MFN1: variants seen among roughly 807,000 people sequenced by gnomAD.
MFN1 encodes mitofusin 1, also known as mitofusin-1.
MFN1 carries 65 observed loss-of-function variants against 92.4 expected under a neutral mutation model. That is an observed-to-expected ratio of 0.70 (90% confidence interval 0.58 to 0.86). The LOEUF is 0.86. Ranked by LOEUF, MFN1 falls within the 40% of genes least tolerant of loss-of-function variation. The pLI is 0.00. For missense variants in MFN1, 781 were observed against 868.0 expected, an observed-to-expected ratio of 0.90 and a Z score of 1.26; for synonymous variants, 297 against 300.9, an observed-to-expected ratio of 0.99 and a Z score of 0.13.
chr3:179,380,432 A>AT (rs5854831), intron 14 of MFN1, among the ~76,000 whole-genome samples: 3 of 151,962 alleles, frequency 2.0e-5, no homozygotes, highest in Non-Finnish European at 2.9e-5. Context: ...CAAGGAATGC[A>AT]TTTTTTTTAC....
At chr3:179,381,268 T>C (rs1032237515) in intron 14 of MFN1, among the ~76,000 whole-genome samples, 3 of 152,180 alleles carry the variant, frequency 2.0e-5, no homozygotes, top group African/African-American at 7.2e-5. Context: ...GGCAAGTAGG[T>C]GGTACTGCAG....
At chr3:179,360,104 C>T (rs2108529950) in intron 4 of MFN1, among the ~76,000 whole-genome samples, 1 of 152,200 alleles carries the variant, frequency 6.6e-6, no homozygotes, top group South Asian at 2.1e-4. Context: ...TTAGTAGAGA[C>T]TGGGTTTCAC....
intron 12 of MFN1, 62 bp from the exon 13 acceptor site, chr3:179,378,279 C>A: frequency 8.1e-7 from 1 of 1,233,110 alleles, no homozygotes; most frequent in Non-Finnish European, 1.2e-6. Flanking sequence ...TATTTTATGT[C>A]TTTATAAAAA....
intron 7 of MFN1, 48 bp downstream of exon 7, chr3:179,365,273 C>A (rs749428187): frequency 1.9e-6 from 2 of 1,043,136 alleles, no homozygotes; most frequent in Non-Finnish European, 2.8e-6. Context: ...CAGTCACATA[C>A]ATTGTTATTT....
chr3:179,386,943 A>G (rs1209781198), intron 16 of MFN1, among the ~76,000 whole-genome samples: 1 of 151,860 alleles, frequency 6.6e-6, no homozygotes, highest in Non-Finnish European at 1.5e-5. Context: ...TTTTTCAGAG[A>G]TAGGGTCTCT....
At chr3:179,387,770 C>T (rs1237795626) in intron 16 of MFN1, among the ~76,000 whole-genome samples, 1 of 148,616 alleles carries the variant, frequency 6.7e-6, no homozygotes, top group African/African-American at 2.5e-5. Context: ...ACTCTGTCAC[C>T]CAGGCTGGAG....
Position 179,392,267 on chromosome 3 carries a change from A to G in MFN1, c.*208A>G, listed in dbSNP as rs1713933145. The G allele has an allele frequency of 2.6e-6, 1 of 385,374 alleles. No homozygotes were observed. The highest frequency in any genetic ancestry group is 4.7e-6 in the Non-Finnish European group (1 of 214,424). 23.9% of individuals were successfully genotyped at this position (385,374 alleles called of 1,614,324 possible). A position where few individuals can be genotyped will look rare whatever the true frequency, so the allele number is the denominator to read the frequency against. On this transcript the variant is annotated 3_prime_UTR_variant, in exon 18 of 18. Coordinates refer to ENST00000471841, the MANE Select transcript of MFN1 (RefSeq NM_033540.3). Reference sequence around the variant, plus strand: ...TCCTTAGTTTTAATTTTGAGTAAAGAAAAGGCTAAAATCATGAATTAGTTA... The same window carrying G: ...TCCTTAGTTTTAATTTTGAGTAAAGGAAAGGCTAAAATCATGAATTAGTTA...
chr3:179,355,508 GACTTGGA>G (rs543786405), intron 3 of MFN1, among the ~76,000 whole-genome samples: 69 of 152,282 alleles, frequency 4.5e-4, no homozygotes, highest in African/African-American at 1.6e-3. Context: ...GGAAATATGA[GACTTGGA>G]CTAGGGAGAA....
chr3:179,374,449 C>A (rs1713158643), intron 9 of MFN1, among the ~76,000 whole-genome samples: 1 of 102,490 alleles, frequency 9.8e-6, no homozygotes, highest in Non-Finnish European at 1.9e-5. Context: ...AAAATTGAAA[C>A]AAATGTGAAA....
intron 14 of MFN1, among the ~76,000 whole-genome samples, chr3:179,380,753 G>A (rs1200504082): frequency 6.6e-6 from 1 of 152,200 alleles, no homozygotes; most frequent in Non-Finnish European, 1.5e-5. Context: ...AAGGTTTTCA[G>A]AAGGAGTTTA....
chr3:179,371,219 T>C (rs1273529840), intron 9 of MFN1, among the ~76,000 whole-genome samples: 1 of 152,160 alleles, frequency 6.6e-6, no homozygotes, highest in African/African-American at 2.4e-5. Context: ...AAAAAATCAA[T>C]ATTAGCCTGG....
rs1714002404 is a variant in MFN1, at chr3:179,394,044, C to A, written c.*1985C>A. The A allele has an allele frequency of 6.6e-6, 1 of 152,198 alleles. No individual in the cohort carries two copies. The highest frequency in any genetic ancestry group is 1.5e-5 in the Non-Finnish European group (1 of 68,092). 9.4% of individuals were successfully genotyped at this position (152,198 alleles called of 1,614,324 possible). ...GCTAGTTTTTGTAAAGACGAGGTTT[C>A]CCCATGTTGTGCAGGCTGGTCTTGA... On this transcript the variant is annotated 3_prime_UTR_variant, in exon 18 of 18. Transcript: ENST00000471841.
intron 3 of MFN1, among the ~76,000 whole-genome samples, chr3:179,358,518 G>T (rs1577003159): frequency 6.6e-6 from 1 of 152,180 alleles, no homozygotes; most frequent in Non-Finnish European, 1.5e-5. Flanking sequence ...GATTTAAGGA[G>T]ATGGGATATT....
intron 9 of MFN1, among the ~76,000 whole-genome samples, chr3:179,372,468 A>G (rs1365758144): frequency 6.6e-6 from 1 of 152,110 alleles, no homozygotes; most frequent in Non-Finnish European, 1.5e-5. Context: ...ATATTAGTGT[A>G]GTAAGGATGC....
chr3:179,386,354 G>A (rs1713682965), intron 15 of MFN1, 79 bp from the exon 16 acceptor site: 1 of 1,123,548 alleles, frequency 8.9e-7, no homozygotes, highest in Admixed American at 2.4e-5. Flanking sequence ...AAGATCCATA[G>A]GGAACTAAAA....
At chr3:179,360,645 T>C (rs1428995777) in intron 4 of MFN1, among the ~76,000 whole-genome samples, 1 of 152,144 alleles carries the variant, frequency 6.6e-6, no homozygotes, top group Non-Finnish European at 1.5e-5. Flanking sequence ...CTCATTGTGG[T>C]TACTTTCTCT....
Position 179,394,218 on chromosome 3 carries a change from T to G in MFN1, c.*2159T>G, listed in dbSNP as rs894642851. 1 of 152,074 alleles carries G rather than the reference T, an allele frequency of 6.6e-6. No individual in the cohort carries two copies. Among genetic ancestry groups the G allele is most frequent in the Non-Finnish European group, 1.5e-5 (1 of 68,034 alleles). The allele number at this position is 152,074 out of a possible 1,614,324, so 9.4% of individuals were successfully genotyped here. On this transcript the variant is annotated 3_prime_UTR_variant, in exon 18 of 18. Coordinates refer to ENST00000471841, the MANE Select transcript of MFN1 (RefSeq NM_033540.3). ...AACCCAGACCTATGGAGTCAGACAG[T>G]AGGTTTGAGGCCCAGCAATCTATGG...
At position 179,351,906 on chromosome 3, in the gene MFN1, A is replaced by G. The variant is rs957817736; in HGVS notation, c.119A>G (p.Tyr40Cys). 11 of 1,601,398 alleles carry G rather than the reference A, an allele frequency of 6.9e-6. No homozygotes were observed. The highest frequency in any genetic ancestry group is 1.7e-4 in the Middle Eastern group (1 of 6,020). The change falls in exon 3 of 18, where the codon TAT becomes TGT. Residue 40 changes from tyrosine (Y) to cysteine (C), a missense_variant. Transcript: ENST00000471841. Reference protein sequence around the residue: ...TEGSHFVEATYKNPELDRIAT... With the variant: ...TEGSHFVEATCKNPELDRIAT... ...TGCCATTTCAATTTTGCAGCAACAT[A>G]TAAGAATCCGGAACTTGATCGAATA...
rs543939552 is a variant in MFN1 at position 179,362,558 on chromosome 3, A to C, written c.536+76A>C. 1.9e-3 allele frequency: 2,501 copies of C among 1,316,404 alleles called. 5 individuals carry two copies. Among genetic ancestry groups the C allele is most frequent in the Non-Finnish European group, 2.1e-3 (2,111 of 986,748 alleles). 81.5% of individuals were successfully genotyped at this position (1,316,404 alleles called of 1,614,324 possible). ...AATACTGCTTACTTTAGCATATGGT[A>C]TAAAAAATTACAACATTCAGTTGCC... On this transcript the variant is annotated intron_variant, in intron 5 of 17. Coordinates refer to ENST00000471841, the MANE Select transcript of MFN1 (RefSeq NM_033540.3).
Sources: gnomAD v4.1 joint callset for allele counts (sites outside exome capture counted in the v4.1 genomes callset) on GRCh38, gnomAD v4.1.1 for gene constraint, MANE v1.5 for transcripts, NCBI Gene and HGNC (gene_info 2026-07-23, HGNC 2026-07-21) for gene names.